The following FOXJ3 variants were observed in gnomAD, a reference collection of about 807,000 sequenced individuals.
The protein encoded by FOXJ3 is forkhead box J3, also known as forkhead box protein J3.
FOXJ3 carries 22 observed loss-of-function variants against 76.1 expected under a neutral mutation model. The ratio of observed to expected loss-of-function variants is 0.29; its 90% confidence interval spans 0.21 to 0.41. The LOEUF is 0.41. Among genes scored for constraint, FOXJ3 ranks in the 10% least tolerant of loss-of-function variants. The probability of loss-of-function intolerance (pLI) is 1.00; values close to 1 mark genes in which losing one functional copy is unlikely to be tolerated. For missense variants in FOXJ3, 613 were observed against 762.1 expected, an observed-to-expected ratio of 0.80 and a Z score of 2.30; for synonymous variants, 269 against 261.2, an observed-to-expected ratio of 1.03 and a Z score of -0.29.
chr1:42,278,301 C>T (rs985426681), intron 3 of FOXJ3, 47 bp downstream of exon 3: 5 of 1,254,378 alleles, frequency 4.0e-6, no homozygotes, highest in Non-Finnish European at 3.4e-6. Flanking sequence ...TAGAAATCAA[C>T]ATCATTGCTT....
At chr1:42,324,207 TAC>T (rs1345672210) in intron 1 of FOXJ3, among the ~76,000 whole-genome samples, 4 of 109,932 alleles carry the variant, frequency 3.6e-5, no homozygotes, top group Non-Finnish European at 7.5e-5. Flanking sequence ...ACTATATATA[TAC>T]TATATATATA....
chr1:42,261,683 G>C (rs191276195), intron 4 of FOXJ3, among the ~76,000 whole-genome samples: 1 of 152,200 alleles, frequency 6.6e-6, no homozygotes. Flanking sequence ...GATGCTATAC[G>C]AGCTACTTCT....
intron 3 of FOXJ3, among the ~76,000 whole-genome samples, chr1:42,270,673 C>A (rs1456638840): frequency 6.6e-6 from 1 of 151,954 alleles, no homozygotes; most frequent in Non-Finnish European, 1.5e-5. Context: ...TATGATGAAG[C>A]CATGCTGATT....
chr1:42,244,870 A>G lies in FOXJ3; in HGVS notation c.445-16904T>C, dbSNP rs370958315. ...AAATCTGAACAAACCAGTAACAAGCAATAAGATTGAATCAGTAATTAAAAG... is the reference window on the plus strand; with the variant it reads ...AAATCTGAACAAACCAGTAACAAGCGATAAGATTGAATCAGTAATTAAAAG... On this transcript the variant is annotated intron_variant, in intron 4 of 12. Coordinates refer to ENST00000361346, the MANE Select transcript of FOXJ3 (RefSeq NM_014947.5). Among the ~76,000 whole-genome samples the G allele has an allele frequency of 4.6e-5, 7 of 152,170 alleles. No individual in the cohort carries two copies. In the East Asian group the frequency reaches 5.8e-4, roughly 13 times the overall value.
intron 1 of FOXJ3, among the ~76,000 whole-genome samples, chr1:42,333,578 A>T (rs1557733773): frequency 6.6e-6 from 1 of 152,164 alleles, no homozygotes; most frequent in East Asian, 1.9e-4. Context: ...TACCACTCAG[A>T]AAAAGAGAGG....
Position 42,295,900 on chromosome 1 carries a change from G to C in FOXJ3, c.44+15150C>G, listed in dbSNP as rs377405197. Among the ~76,000 whole-genome samples the C allele has an allele frequency of 5.3e-4, 81 of 152,218 alleles. 2 individuals are homozygous for C. The South Asian group carries it at 0.015, about 29-fold the overall frequency. ...CAGTAGTGTGTTTACTGGATCAAAA[G>C]GTAGTTCTATTTTTAGTTCTTTGAG... On this transcript the variant is annotated intron_variant, in intron 2 of 12. Transcript: ENST00000361346.
intron 2 of FOXJ3, among the ~76,000 whole-genome samples, chr1:42,299,330 TG>T (rs1653983463): frequency 6.6e-6 from 1 of 151,942 alleles, no homozygotes; most frequent in African/African-American, 2.4e-5. Flanking sequence ...TAAATCTTCT[TG>T]TTGTATCAAA....
intron 4 of FOXJ3, among the ~76,000 whole-genome samples, chr1:42,256,469 A>C (rs1198269066): frequency 1.3e-5 from 2 of 152,252 alleles, no homozygotes; most frequent in Non-Finnish European, 2.9e-5. Context: ...AAGCACATGA[A>C]AAGATGCTCA....
At chr1:42,249,446 T>C (rs1240411934) in intron 4 of FOXJ3, among the ~76,000 whole-genome samples, 1 of 152,162 alleles carries the variant, frequency 6.6e-6, no homozygotes, top group Non-Finnish European at 1.5e-5. Flanking sequence ...TTAAAGTAGA[T>C]GTGAATCAAT....
At chr1:42,222,602 A>G (rs150366270) in intron 5 of FOXJ3, among the ~76,000 whole-genome samples, 169 of 152,346 alleles carry the variant, frequency 1.1e-3, no homozygotes, top group Middle Eastern at 0.01. Flanking sequence ...TTTATAATGC[A>G]AATTAACTTC....
chr1:42,302,565 T>G (rs1476804763), intron 2 of FOXJ3, among the ~76,000 whole-genome samples: 1 of 152,206 alleles, frequency 6.6e-6, no homozygotes, highest in Non-Finnish European at 1.5e-5. Context: ...TGCCTAGGCA[T>G]GGAGCTGGGA....
chr1:42,215,648 C>T (rs1197834119), intron 5 of FOXJ3, among the ~76,000 whole-genome samples: 1 of 151,880 alleles, frequency 6.6e-6, no homozygotes, highest in African/African-American at 2.4e-5. Flanking sequence ...AAGGAAAAAC[C>T]ACACTTAGAT....
chr1:42,187,453 T>C (rs1456854629), intron 11 of FOXJ3, among the ~76,000 whole-genome samples: 1 of 152,114 alleles, frequency 6.6e-6, no homozygotes, highest in Non-Finnish European at 1.5e-5. Context: ...TAAGGAGGAC[T>C]TAAAGCAAGT....
At chr1:42,185,706 GCAACGCAT>G (rs1434939139) in intron 11 of FOXJ3, among the ~76,000 whole-genome samples, 3 of 152,006 alleles carry the variant, frequency 2.0e-5, no homozygotes, top group Admixed American at 6.6e-5. Context: ...TGACCTTTAA[GCAACGCAT>G]CAAATTAGAA....
chr1:42,305,079 C>A (rs1654375258), intron 2 of FOXJ3, among the ~76,000 whole-genome samples: 1 of 151,994 alleles, frequency 6.6e-6, no homozygotes, highest in African/African-American at 2.4e-5. Flanking sequence ...TTAAAATGGG[C>A]AAAAGATCTA....
At chr1:42,213,911 A>AGGATTTTAAAT (rs1387876119) in intron 5 of FOXJ3, among the ~76,000 whole-genome samples, 7 of 152,220 alleles carry the variant, frequency 4.6e-5, no homozygotes, top group East Asian at 1.9e-4. Context: ...AATAGCTGAG[A>AGGATTTTAAAT]GGATTTTAAA....
chr1:42,311,842 C>T (rs1654833936), intron 1 of FOXJ3, among the ~76,000 whole-genome samples: 1 of 152,130 alleles, frequency 6.6e-6, no homozygotes, highest in Non-Finnish European at 1.5e-5. Flanking sequence ...TAACTTTATT[C>T]AGAGGGGATT....
intron 3 of FOXJ3, among the ~76,000 whole-genome samples, chr1:42,265,610 A>T (rs926692155): frequency 7.2e-5 from 11 of 152,198 alleles, no homozygotes; most frequent in African/African-American, 2.7e-4. Context: ...GTTACTCTAC[A>T]TGAAATTAAA....
At chr1:42,274,185 A>G (rs1350447983) in intron 3 of FOXJ3, among the ~76,000 whole-genome samples, 2 of 152,208 alleles carry the variant, frequency 1.3e-5, no homozygotes, top group African/African-American at 2.4e-5. Flanking sequence ...TTGACAAAGA[A>G]AGTCTACAGT....
Sources: gnomAD v4.1 joint callset for allele counts (sites outside exome capture counted in the v4.1 genomes callset) on GRCh38, gnomAD v4.1.1 for gene constraint, MANE v1.5 for transcripts, NCBI Gene and HGNC (gene_info 2026-07-23, HGNC 2026-07-21) for gene names.